The following NCOR2 variants were observed in gnomAD, a reference collection of about 807,000 sequenced individuals.
NCOR2 encodes the protein nuclear receptor corepressor 2.
A neutral mutation model predicts 262.9 loss-of-function variants in NCOR2; 81 were observed. The ratio of observed to expected loss-of-function variants is 0.31; its 90% CI spans 0.26 to 0.37. The LOEUF (loss-of-function observed/expected upper bound fraction) is 0.37. Ranked by LOEUF, NCOR2 falls within the 10% of genes least tolerant of loss-of-function variation. The pLI, the probability that NCOR2 is intolerant of heterozygous loss-of-function variation, is 1.00. For missense variants in NCOR2, 3,385 were observed against 3,621.4 expected, an observed-to-expected ratio of 0.93 and a Z score of 1.68; for synonymous variants, 1,659 against 1,559.3, an observed-to-expected ratio of 1.06 and a Z score of -1.51.
At chr12:124,538,147 G>T (rs60881108), upstream of NCOR2, 3,881 of 152,616 alleles carry the variant, frequency 0.025, 171 homozygotes, top group African/African-American at 0.088. Flanking sequence ...CTCCTAACCT[G>T]CTCCCAACCC....
At chr12:124,554,296 G>A (rs949739369) in intron 1 of NCOR2, among the ~76,000 whole-genome samples, 1 of 152,184 alleles carries the variant, frequency 6.6e-6, no homozygotes, top group African/African-American at 2.4e-5. Context: ...GTGGGGATGG[G>A]TGTCCAAGGC....
intron 4 of NCOR2, among the ~76,000 whole-genome samples, chr12:124,471,209 C>T (rs1204816851): frequency 2.0e-5 from 3 of 152,224 alleles, no homozygotes; most frequent in Admixed American, 1.3e-4. Context: ...CCCCCTGGAG[C>T]GTCCTTCAAA....
intron 1 of NCOR2, among the ~76,000 whole-genome samples, chr12:124,565,229 G>A (rs2052197344): frequency 6.6e-6 from 1 of 152,106 alleles, no homozygotes; most frequent in Non-Finnish European, 1.5e-5. Context: ...AGAGGCCAGG[G>A]CTGGGGCCTG....
chr12:124,360,885 C>T (rs1012045861), intron 22 of NCOR2, among the ~76,000 whole-genome samples: 17 of 152,156 alleles, frequency 1.1e-4, no homozygotes, highest in African/African-American at 4.1e-4. Flanking sequence ...CATCTTGCTT[C>T]GTTACGTGTT....
At chr12:124,444,041 G>A (rs555397799) in intron 7 of NCOR2, among the ~76,000 whole-genome samples, 3 of 151,926 alleles carry the variant, frequency 2.0e-5, no homozygotes, top group Non-Finnish European at 4.4e-5. Context: ...CTTCCTTCCC[G>A]CTCCTGGAGG....
At chr12:124,332,586 C>G in intron 42 of NCOR2, 119 bp from the exon 45 acceptor site, 3 of 1,280,482 alleles carry the variant, frequency 2.3e-6, no homozygotes, top group Non-Finnish European at 3.3e-6. Flanking sequence ...CACCCGCCCC[C>G]ACGCCTGCAT....
Position 124,457,220 on chromosome 12 carries a change from T to C in NCOR2, c.706-58A>G. 6.7e-7 allele frequency: 1 copy of C among 1,499,690 alleles called. No homozygotes were observed. Among genetic ancestry groups the C allele is most frequent in the Non-Finnish European group, 8.9e-7 (1 of 1,126,534 alleles). 92.9% of individuals were successfully genotyped at this position (1,499,690 alleles called of 1,614,324 possible). On this transcript the variant is annotated intron_variant, in intron 5 of 46. Transcript: ENST00000405201. This position sits in a 1 kb window ranked among gnomAD's most constrained non-coding sequence, Gnocchi z 4.0. The stretch of plus-strand genomic sequence containing the variant: ...TTAAAAAACAAAAAAACACAGATTA[T>C]AAATAGAGGCTTCCCGGAGCAGCGG...
intron 40 of NCOR2, 124 bp from the exon 43 acceptor site, chr12:124,334,741 G>T: frequency 1.7e-6 from 1 of 592,500 alleles, no homozygotes. Context: ...CTGGGTGACT[G>T]TGGACCTGCC....
At chr12:124,339,902 C>CCCCCCT in intron 37 of NCOR2, 104 bp downstream of exon 39, 2 of 696,390 alleles carry the variant, frequency 2.9e-6, no homozygotes, top group Non-Finnish European at 4.6e-6. Flanking sequence ...TGCCCACCCA[C>CCCCCCT]CCACCTCCCA....
In NCOR2 at chr12:124,503,065, C is replaced by T. The variant is rs528082978; in HGVS notation, c.-117-7697G>A. Reference sequence around the variant, plus strand: ...GGGGCTGAGGGTCAAATACTAAGAGCTCAATCCCGGGTGCCACCCACAAGG... The same window carrying T: ...GGGGCTGAGGGTCAAATACTAAGAGTTCAATCCCGGGTGCCACCCACAAGG... On this transcript the variant is annotated intron_variant, in intron 1 of 46. Transcript: ENST00000404621. This position sits in a 1 kb window ranked among gnomAD's most constrained non-coding sequence, Gnocchi z 4.3. Among the ~76,000 whole-genome samples, 385 of 152,338 alleles carry T rather than the reference C, an allele frequency of 2.5e-3. 1 individual carries two copies. Among genetic ancestry groups the T allele is most frequent in the African/African-American group, 8.8e-3 (366 of 41,586 alleles).
chr12:124,377,711 C>T (rs1018449267), intron 18 of NCOR2, among the ~76,000 whole-genome samples: 1 of 151,880 alleles, frequency 6.6e-6, no homozygotes, highest in Non-Finnish European at 1.5e-5. Flanking sequence ...TGGCGGCGGG[C>T]ACCTCTAATC....
intron 44 of NCOR2, among the ~76,000 whole-genome samples, chr12:124,330,079 C>T (rs1433799746): frequency 6.6e-6 from 1 of 152,220 alleles, no homozygotes; most frequent in Non-Finnish European, 1.5e-5. Flanking sequence ...GGAATGTTCC[C>T]CAGGGAAGAT....
intron 45 of NCOR2, 48 bp from the exon 48 acceptor site, chr12:124,326,418 G>T (rs1366884043): frequency 7.0e-7 from 1 of 1,438,480 alleles, no homozygotes; most frequent in Non-Finnish European, 9.1e-7. Flanking sequence ...AGTGAAGACA[G>T]CACCGACGCT....
At position 124,437,293 on chromosome 12, in the gene NCOR2, G is replaced by A. The variant is rs775577397; in HGVS notation, c.882+637C>T. On this transcript the variant is annotated intron_variant, in intron 8 of 46. Coordinates refer to ENST00000405201, the Ensembl canonical transcript of NCOR2. ...AGAATACTCAACCCTGATCTCCTCC[G>A]GGGAATGGGTGATGGCCACGGCCGC... Among the ~76,000 whole-genome samples the A allele has an allele frequency of 3.4e-4, 51 of 152,208 alleles. No homozygotes were observed. The East Asian group carries it at 8.1e-3, about 24-fold the overall frequency.
chr12:124,372,290 C>G (rs969895149), exon 20 of NCOR2: 1 of 1,543,698 alleles, frequency 6.5e-7, no homozygotes, highest in African/African-American at 1.4e-5. Context: ...TCCTCAGCCG[C>G]GGGGGGCTTC....
Position 124,490,890 on chromosome 12 carries a change from C to T in NCOR2, c.105+4257G>A, listed in dbSNP as rs139208203. 1.6e-4 allele frequency among the ~76,000 whole-genome samples: 24 copies of T among 152,398 alleles called. No homozygotes were observed. In the East Asian group the frequency reaches 3.7e-3, roughly 23 times the overall value. On this transcript the variant is annotated intron_variant, in intron 1 of 46. Transcript: ENST00000405201. ...ACCAACTCTGTCTGACCCTGCCGGACTGGGCCTGGCTGAGCCCCTGCGTCT... is the reference window on the plus strand; with the variant it reads ...ACCAACTCTGTCTGACCCTGCCGGATTGGGCCTGGCTGAGCCCCTGCGTCT...
chr12:124,455,587 C>T (rs2045802874), intron 6 of NCOR2, among the ~76,000 whole-genome samples: 1 of 152,238 alleles, frequency 6.6e-6, no homozygotes, highest in African/African-American at 2.4e-5. Context: ...CTTTGGGGAG[C>T]TCTCACTGCA....
chr12:124,360,518 G>C (rs1245517178), intron 22 of NCOR2, among the ~76,000 whole-genome samples: 1 of 152,112 alleles, frequency 6.6e-6, no homozygotes, highest in African/African-American at 2.4e-5. Context: ...CAGATAACAA[G>C]CACCTCCTTC....
chr12:124,490,231 T>A (rs1345898650), intron 1 of NCOR2, among the ~76,000 whole-genome samples: 1 of 152,102 alleles, frequency 6.6e-6, no homozygotes, highest in Non-Finnish European at 1.5e-5. Context: ...CCTCCCCGAC[T>A]CTCTACTTAA....
Sources: allele counts gnomAD v4.1 joint callset (sites outside exome capture counted in the v4.1 genomes callset), GRCh38; gene constraint gnomAD v4.1.1; non-coding constraint Gnocchi (gnomAD v3.1); transcripts MANE v1.5; gene names NCBI Gene and HGNC (gene_info 2026-07-23, HGNC 2026-07-21).